SAAL1: variants seen among roughly 807,000 people sequenced by gnomAD.
The protein encoded by SAAL1 is serum amyloid A like 1, also known as protein SAAL1.
In SAAL1, 42 loss-of-function variants were observed where a neutral mutation model predicts 59.8. The observed-to-expected ratio is 0.70, with a 90% confidence interval of 0.55 to 0.91. The LOEUF (loss-of-function observed/expected upper bound fraction) is 0.91. SAAL1 is among the 40% of genes least tolerant of loss of function. The pLI is 0.00. For synonymous variants in SAAL1, 191 were observed against 194.3 expected (o/e 0.98, Z 0.14); for missense variants, 542 against 561.1 (o/e 0.97, Z 0.34).
chr11:18,083,497 T>G, intron 10 of SAAL1, 38 bp downstream of exon 10: 4 of 1,247,224 alleles, frequency 3.2e-6, no homozygotes, highest in Non-Finnish European at 4.5e-6. Flanking sequence ...AACCCACACT[T>G]TCTTTTGCTT....
intron 7 of SAAL1, among the ~76,000 whole-genome samples, chr11:18,087,665 A>T (rs1006496223): frequency 1.3e-5 from 2 of 152,234 alleles, no homozygotes; most frequent in Non-Finnish European, 2.9e-5. Flanking sequence ...CCTAGCTGAG[A>T]ACACTAAAAC....
At chr11:18,084,564 C>T (rs1004135126) in intron 9 of SAAL1, among the ~76,000 whole-genome samples, 1 of 152,198 alleles carries the variant, frequency 6.6e-6, no homozygotes, top group African/African-American at 2.4e-5. Context: ...ACTTTCCATT[C>T]CCTCTGTCTG....
intron 3 of SAAL1, among the ~76,000 whole-genome samples, chr11:18,092,567 G>A (rs1328090906): frequency 1.3e-5 from 2 of 152,114 alleles, no homozygotes; most frequent in South Asian, 2.1e-4. Context: ...AACTTCTATC[G>A]ATAAAATGAG....
At chr11:18,088,797 G>A (rs567407149) in intron 7 of SAAL1, among the ~76,000 whole-genome samples, 94 of 152,218 alleles carry the variant, frequency 6.2e-4, no homozygotes, top group African/African-American at 2.2e-3. Flanking sequence ...AAATTAATAG[G>A]TTTTGATGTG....
rs1554903529 is a variant in SAAL1 at position 18,090,324 on chromosome 11, T to TC, written c.474-35dup. ...TAAACGTGGGTTGAATTTCTACTTT[T>TC]CAAAAAAAAAAAAAAAACAGTAAAG... On this transcript the variant is annotated intron_variant, in intron 5 of 11. Coordinates refer to ENST00000524803, the MANE Select transcript of SAAL1 (RefSeq NM_138421.3). 2.9e-6 allele frequency: 4 copies of TC among 1,376,586 alleles called. No individual in the cohort carries two copies. The African/African-American group carries it at 5.4e-5, about 18-fold the overall frequency. The allele number at this position is 1,376,586 out of a possible 1,614,324, so 85.3% of individuals were successfully genotyped here.
Position 18,096,870 on chromosome 11 carries a change from AT to A in SAAL1, c.250-17del, listed in dbSNP as rs1848582903. ...AAGCCACGTCCTGAAAAGAAAAATGATTATTAACTTGGATGTTGAATATTCC... is the reference window on the plus strand; with the variant it reads ...AAGCCACGTCCTGAAAAGAAAAATGATATTAACTTGGATGTTGAATATTCC... On this transcript the variant is annotated splice_polypyrimidine_tract_variant and intron_variant, in intron 2 of 11. Transcript: ENST00000524803. 5.3e-6 allele frequency: 7 copies of A among 1,321,956 alleles called. No homozygotes were observed. Among genetic ancestry groups the A allele is most frequent in the African/African-American group, 1.5e-5 (1 of 68,136 alleles). The allele number at this position is 1,321,956 out of a possible 1,614,324, so 81.9% of individuals were successfully genotyped here.
At position 18,105,980 on chromosome 11, in the gene SAAL1, G is replaced by T; in HGVS notation, c.62C>A (p.Ala21Asp). The T allele has an allele frequency of 6.2e-7, 1 of 1,608,258 alleles. No homozygotes were observed. The change falls in exon 1 of 12, where the codon GCC becomes GAC. Residue 21 changes from alanine to aspartate, a missense_variant. Ala to Asp is a moderately radical substitution (Grantham distance 126, BLOSUM62 -2). Coordinates refer to ENST00000524803, the MANE Select transcript of SAAL1 (RefSeq NM_138421.3). ...CGTGCTCCCTATGCAGTCTCCACCG[G>T]CCACCTCCTCCTCCTCCTCCTTGTC... ...GRDKEEEEEV[A>D]GGDCIGSTVY...
chr11:18,092,902 TG>T (rs754146915), intron 3 of SAAL1, among the ~76,000 whole-genome samples: 89 of 152,290 alleles, frequency 5.8e-4, no homozygotes, highest in Non-Finnish European at 9.6e-4. Flanking sequence ...AAATGCATAA[TG>T]TATTAGTGTA....
chr11:18,090,046 TCAAA>T, intron 6 of SAAL1, 125 bp downstream of exon 6: 5 of 866,740 alleles, frequency 5.8e-6, no homozygotes, highest in South Asian at 1.9e-5. Flanking sequence ...AGATTCTGTC[TCAAA>T]CAAACTTCAT....
intron 2 of SAAL1, among the ~76,000 whole-genome samples, chr11:18,101,579 A>G (rs111718602): frequency 2.5e-3 from 387 of 152,328 alleles, no homozygotes; most frequent in African/African-American, 9.0e-3. Flanking sequence ...CTGAGAGTCA[A>G]TTAAACCTCT....
intron 8 of SAAL1, 40 bp from the exon 9 acceptor site, chr11:18,087,094 GCAAA>G: frequency 6.3e-7 from 1 of 1,598,710 alleles, no homozygotes; most frequent in Non-Finnish European, 8.6e-7. Flanking sequence ...TTTAAAATCA[GCAAA>G]CAATTAAATG....
intron 3 of SAAL1, among the ~76,000 whole-genome samples, chr11:18,095,112 C>T (rs911734439): frequency 1.3e-5 from 2 of 152,096 alleles, no homozygotes; most frequent in African/African-American, 4.8e-5. Flanking sequence ...GAGGGAGGCT[C>T]GGCAATTAGT....
chr11:18,099,772 C>T (rs1848615554), intron 2 of SAAL1, among the ~76,000 whole-genome samples: 1 of 152,170 alleles, frequency 6.6e-6, no homozygotes, highest in South Asian at 2.1e-4. Flanking sequence ...AGCTGGAAGC[C>T]ATTCTAAGCA....
chr11:18,083,527 T>G lies in SAAL1; in HGVS notation c.1239+8A>C. Reference sequence around the variant, plus strand: ...TTGCTTATGACATCATCAATACTTCTTTCCTACCTTTGTTAATGCCTGAAA... The same window carrying G: ...TTGCTTATGACATCATCAATACTTCGTTCCTACCTTTGTTAATGCCTGAAA... On this transcript the variant is annotated splice_region_variant and intron_variant, in intron 10 of 11. Coordinates refer to ENST00000524803, the MANE Select transcript of SAAL1 (RefSeq NM_138421.3). The G allele has an allele frequency of 6.6e-7, 1 of 1,525,836 alleles. No homozygotes were observed. Among genetic ancestry groups the G allele is most frequent in the South Asian group, 1.2e-5 (1 of 85,898 alleles). The allele number at this position is 1,525,836 out of a possible 1,614,324, so 94.5% of individuals were successfully genotyped here. A position where few individuals can be genotyped will look rare whatever the true frequency, so the allele number is the denominator to read the frequency against.
intron 2 of SAAL1, among the ~76,000 whole-genome samples, chr11:18,098,892 G>T (rs531932813): frequency 2.4e-4 from 36 of 152,328 alleles, no homozygotes; most frequent in African/African-American, 8.4e-4. Flanking sequence ...AACATTCATT[G>T]AACAAGTATT....
chr11:18,101,605 C>T (rs886843397), intron 2 of SAAL1, among the ~76,000 whole-genome samples: 10 of 152,148 alleles, frequency 6.6e-5, no homozygotes, highest in African/African-American at 2.4e-4. Flanking sequence ...TCATAAATTA[C>T]CCAGTCTCAG....
chr11:18,084,789 G>A lies in SAAL1; in HGVS notation c.1043-1058C>T, dbSNP rs533611302. Among the ~76,000 whole-genome samples the A allele has an allele frequency of 7.2e-5, 11 of 152,154 alleles. No homozygotes were observed. In the East Asian group the frequency reaches 7.7e-4, roughly 11 times the overall value. On this transcript the variant is annotated intron_variant, in intron 9 of 11. Transcript: ENST00000524803. ...ATATCTGTTTTTGGAGGGGGGGTGC[G>A]GAGTATTGCTCTGCTGCCCAGGCTG...
chr11:18,085,749 T>C (rs1282322646), intron 9 of SAAL1, among the ~76,000 whole-genome samples: 6 of 152,124 alleles, frequency 3.9e-5, no homozygotes, highest in East Asian at 1.9e-4. Context: ...ACAGAATATA[T>C]AGGGGAATTT....
intron 1 of SAAL1, among the ~76,000 whole-genome samples, chr11:18,104,330 T>C (rs1031630688): frequency 6.6e-6 from 1 of 152,142 alleles, no homozygotes; most frequent in Non-Finnish European, 1.5e-5. Context: ...CTTTTAAAAA[T>C]GTAGTACCTT....
Sources: allele counts gnomAD v4.1 joint callset (sites outside exome capture counted in the v4.1 genomes callset), GRCh38; gene constraint gnomAD v4.1.1; transcripts MANE v1.5; gene names NCBI Gene and HGNC (gene_info 2026-07-23, HGNC 2026-07-21).